The following PTPRC variants were observed in gnomAD, a reference collection of about 807,000 sequenced individuals.
PTPRC encodes protein tyrosine phosphatase receptor type C, also known as receptor-type tyrosine-protein phosphatase C.
PTPRC carries 44 observed loss-of-function variants against 155.9 expected under a neutral mutation model. That is an observed-to-expected ratio of 0.28 (90% confidence interval 0.22 to 0.36). PTPRC has a LOEUF of 0.36. PTPRC is among the 10% of genes least tolerant of loss of function. The pLI, the probability that PTPRC is intolerant of heterozygous loss-of-function variation, is 1.00. For missense variants in PTPRC, 1,401 were observed against 1,564.6 expected, an observed-to-expected ratio of 0.90 and a Z score of 1.76; for synonymous variants, 525 against 533.1, an observed-to-expected ratio of 0.98 and a Z score of 0.21.
intron 2 of PTPRC, among the ~76,000 whole-genome samples, chr1:198,649,973 T>C (rs1029105364): frequency 6.6e-6 from 1 of 151,798 alleles, no homozygotes; most frequent in Admixed American, 6.6e-5. Context: ...GACAGAGTGA[T>C]CGGGGAAGAT....
intron 28 of PTPRC, 117 bp from the exon 29 acceptor site, chr1:198,750,375 C>A: frequency 9.5e-7 from 1 of 1,047,742 alleles, no homozygotes; most frequent in Non-Finnish European, 1.5e-6. Flanking sequence ...AAGAATATTA[C>A]TATTTGTATG....
chr1:198,655,720 A>G (rs1346140840), intron 2 of PTPRC, among the ~76,000 whole-genome samples: 1 of 152,016 alleles, frequency 6.6e-6, no homozygotes, highest in Non-Finnish European at 1.5e-5. Flanking sequence ...TGGGCATTGT[A>G]GGATGTTTAG....
chr1:198,656,654 T>G (rs201796808), intron 2 of PTPRC, among the ~76,000 whole-genome samples: 1 of 16,174 alleles, frequency 6.2e-5, no homozygotes, highest in Non-Finnish European at 1.1e-4. Context: ...TTGTTTTTTG[T>G]TTTTTTTTTT....
chr1:198,690,965 A>G (rs577452379), intron 2 of PTPRC, among the ~76,000 whole-genome samples: 298 of 152,190 alleles, frequency 2.0e-3, no homozygotes, highest in African/African-American at 7.0e-3. Context: ...CACCATGTTT[A>G]TCCTGCATGT....
intron 2 of PTPRC, among the ~76,000 whole-genome samples, chr1:198,664,738 A>G (rs1460080225): frequency 6.6e-6 from 1 of 152,016 alleles, no homozygotes. Flanking sequence ...AAGACTACAA[A>G]ATCTCCTCTC....
At chr1:198,673,369 A>G (rs2102300849) in intron 2 of PTPRC, among the ~76,000 whole-genome samples, 1 of 152,268 alleles carries the variant, frequency 6.6e-6, no homozygotes, top group Non-Finnish European at 1.5e-5. Flanking sequence ...CAAGTTATTT[A>G]TTGCACCTTA....
chr1:198,673,887 T>C (rs569588151), intron 2 of PTPRC, among the ~76,000 whole-genome samples: 14 of 152,328 alleles, frequency 9.2e-5, no homozygotes, highest in African/African-American at 2.4e-4. Context: ...TTTTGAAGTA[T>C]TAATAATGTA....
At chr1:198,642,115 C>CTTTAG (rs769027614) in intron 2 of PTPRC, among the ~76,000 whole-genome samples, 102 of 151,992 alleles carry the variant, frequency 6.7e-4, no homozygotes, top group Non-Finnish European at 1.3e-3. Flanking sequence ...GGAAAGACTA[C>CTTTAG]GGCTAGGGCC....
At chr1:198,656,266 C>A (rs1663558838) in intron 2 of PTPRC, among the ~76,000 whole-genome samples, 1 of 152,014 alleles carries the variant, frequency 6.6e-6, no homozygotes, top group Admixed American at 6.6e-5. Context: ...GGACTTATTT[C>A]CAATCATAGA....
At chr1:198,665,595 AC>A (rs1420612436) in intron 2 of PTPRC, among the ~76,000 whole-genome samples, 15 of 152,182 alleles carry the variant, frequency 9.9e-5, no homozygotes, top group African/African-American at 3.4e-4. Context: ...AACTGGGGTA[AC>A]TATAACGATA....
intron 2 of PTPRC, among the ~76,000 whole-genome samples, chr1:198,645,433 A>G (rs1312329436): frequency 6.6e-6 from 1 of 151,826 alleles, no homozygotes; most frequent in African/African-American, 2.4e-5. Flanking sequence ...CAAGCTGGGA[A>G]ACATCATGAC....
chr1:198,735,741 A>G (rs1654606550), intron 23 of PTPRC, among the ~76,000 whole-genome samples: 1 of 151,614 alleles, frequency 6.6e-6, no homozygotes, highest in Non-Finnish European at 1.5e-5. Flanking sequence ...TAATAGTTAA[A>G]ATAGAGATCG....
At chr1:198,748,743 G>A (rs1410209985) in intron 27 of PTPRC, among the ~76,000 whole-genome samples, 1 of 151,628 alleles carries the variant, frequency 6.6e-6, no homozygotes, top group Non-Finnish European at 1.5e-5. Flanking sequence ...ATCACATATG[G>A]TAATTTTATT....
intron 5 of PTPRC, among the ~76,000 whole-genome samples, chr1:198,700,868 A>G (rs1185080843): frequency 1.3e-5 from 2 of 152,172 alleles, no homozygotes; most frequent in African/African-American, 4.8e-5. Context: ...GAAGTTTTCA[A>G]GTGAGGAGGA....
intron 23 of PTPRC, among the ~76,000 whole-genome samples, chr1:198,739,124 A>C (rs193021937): frequency 6.6e-6 from 1 of 151,764 alleles, no homozygotes; most frequent in Non-Finnish European, 1.5e-5. Context: ...AGAGAAAATC[A>C]CCTTCACTTA....
intron 26 of PTPRC, among the ~76,000 whole-genome samples, chr1:198,744,574 A>G (rs1363323251): frequency 1.3e-5 from 2 of 151,910 alleles, no homozygotes; most frequent in Non-Finnish European, 2.9e-5. Flanking sequence ...AAAGGAAATC[A>G]TTAGAAGAGT....
At chr1:198,748,340 G>A in intron 27 of PTPRC, 141 bp downstream of exon 27, 2 of 1,134,544 alleles carry the variant, frequency 1.8e-6, no homozygotes, top group South Asian at 1.7e-5. Context: ...AAGTTACTAG[G>A]TATTAAAATA....
At chr1:198,694,058 A>C in intron 3 of PTPRC, 1 of 1,549,330 alleles carries the variant, frequency 6.5e-7, no homozygotes, top group Non-Finnish European at 8.7e-7. Flanking sequence ...AATCCAAGTC[A>C]CCAAACCTCA....
intron 20 of PTPRC, among the ~76,000 whole-genome samples, chr1:198,733,625 C>T (rs1042246601): frequency 1.3e-5 from 2 of 151,670 alleles, no homozygotes; most frequent in Admixed American, 6.6e-5. Flanking sequence ...CTCTGTACTC[C>T]TTTATCTTGG....
Sources: allele counts gnomAD v4.1 joint callset (sites outside exome capture counted in the v4.1 genomes callset), GRCh38; gene constraint gnomAD v4.1.1; transcripts MANE v1.5; gene names NCBI Gene and HGNC (gene_info 2026-07-23, HGNC 2026-07-21).